Variants in GCKR observed in about 807,000 individuals in gnomAD.
GCKR encodes the protein glucokinase regulatory protein.
In GCKR, 73 loss-of-function variants were observed where a neutral mutation model predicts 82.9. That is an observed-to-expected ratio of 0.88 (90% CI 0.73 to 1.07). The LOEUF (loss-of-function observed/expected upper bound fraction) is 1.07, where lower values mean the gene tolerates loss of function less well. Ranked by LOEUF, GCKR falls within the 50% of genes least tolerant of loss-of-function variation. The pLI, the probability that GCKR is intolerant of heterozygous loss-of-function variation, is 0.00. For missense variants in GCKR, 784 were observed against 782.1 expected (o/e 1.00, Z -0.03); for synonymous variants, 294 against 291.8 (o/e 1.01, Z -0.08).
At chr2:27,508,947 A>G (rs987416518) in intron 16 of GCKR, among the ~76,000 whole-genome samples, 12 of 151,904 alleles carry the variant, frequency 7.9e-5, no homozygotes, top group African/African-American at 2.7e-4. Context: ...CTGCTTGCCA[A>G]TGAATTATAA....
intron 16 of GCKR, among the ~76,000 whole-genome samples, chr2:27,509,942 A>G (rs1448254660): frequency 1.3e-5 from 2 of 151,680 alleles, no homozygotes; most frequent in Non-Finnish European, 2.9e-5. Context: ...ATCATTTTCA[A>G]AAATTATTAT....
chr2:27,497,521 C>T (rs1419235924), intron 2 of GCKR, 41 bp from the exon 3 acceptor site: 1 of 1,573,290 alleles, frequency 6.4e-7, no homozygotes, highest in Non-Finnish European at 8.7e-7. Flanking sequence ...CATTCATCGT[C>T]CTCCTTTTCT....
At position 27,505,836 on chromosome 2, in the gene GCKR, G is replaced by A. The variant is rs566186473; in HGVS notation, c.869G>A (p.Arg290Lys). The change falls in exon 10 of 19, where the codon AGA becomes AAA. Residue 290 changes from arginine (R) to lysine (K), a missense_variant and splice_region_variant. Physicochemically the swap from Arg to Lys is conservative, Grantham distance 26. Transcript: ENST00000264717. The stretch of plus-strand genomic sequence containing the variant: ...GACCAGGGCATTGCAGCATCTCAAA[G>A]GTAGGGAGGATCTGGATAAGAGAGA... ...TVDQGIAASQ[R>K]CLLEILRTFE... is the part of the protein sequence containing the mutation. 22 of 1,462,810 alleles carry A rather than the reference G, an allele frequency of 1.5e-5. 1 individual carries two copies. In the South Asian group the frequency reaches 2.3e-4, roughly 15 times the overall value. 90.6% of individuals were successfully genotyped at this position (1,462,810 alleles called of 1,614,324 possible).
intron 10 of GCKR, among the ~76,000 whole-genome samples, 154 bp from the exon 11 acceptor site, chr2:27,506,327 G>A (rs1425217571): frequency 5.3e-5 from 8 of 152,106 alleles, no homozygotes; most frequent in Admixed American, 2.0e-4. Flanking sequence ...CTGCCCCTTC[G>A]GAACGCAGTC....
At chr2:27,504,982 C>T (rs1202294166) in intron 9 of GCKR, among the ~76,000 whole-genome samples, 17 of 151,620 alleles carry the variant, frequency 1.1e-4, no homozygotes, top group African/African-American at 2.2e-4. Flanking sequence ...AAAAATTAGC[C>T]GGGCGTGGTG....
intron 16 of GCKR, among the ~76,000 whole-genome samples, chr2:27,516,037 A>G (rs891758332): frequency 6.7e-6 from 1 of 148,504 alleles, no homozygotes; most frequent in Non-Finnish European, 1.5e-5. Flanking sequence ...CCAGCCTCCC[A>G]AAGAGCTGGG....
At chr2:27,497,190 G>A in intron 1 of GCKR, 54 bp from the exon 2 acceptor site, 1 of 1,604,804 alleles carries the variant, frequency 6.2e-7, no homozygotes, top group Non-Finnish European at 8.5e-7. Flanking sequence ...CAGCTCAGCA[G>A]GCATGAATGA....
intron 17 of GCKR, 64 bp from the exon 18 acceptor site, chr2:27,522,396 C>T: frequency 1.3e-6 from 2 of 1,564,972 alleles, no homozygotes; most frequent in Non-Finnish European, 1.8e-6. Context: ...ATTCTTCTCC[C>T]TTGACTCCAT....
At chr2:27,503,058 T>C (rs562217689) in intron 8 of GCKR, among the ~76,000 whole-genome samples, 1 of 152,378 alleles carries the variant, frequency 6.6e-6, no homozygotes, top group African/African-American at 2.4e-5. Context: ...TATCCCTCCC[T>C]CTGGTACTGA....
intron 17 of GCKR, 56 bp from the exon 18 acceptor site, chr2:27,522,404 C>T: frequency 6.3e-7 from 1 of 1,591,032 alleles, no homozygotes. Flanking sequence ...CCCTTGACTC[C>T]ATTCTTAGTT....
At chr2:27,502,541 G>T (rs573501498) in intron 8 of GCKR, among the ~76,000 whole-genome samples, 1 of 152,144 alleles carries the variant, frequency 6.6e-6, no homozygotes. Flanking sequence ...TGATTTGGAT[G>T]CCCAGCTGTG....
At chr2:27,523,194 C>G (rs969268185) in intron 18 of GCKR, 75 bp from the exon 19 acceptor site, 11 of 1,331,640 alleles carry the variant, frequency 8.3e-6, no homozygotes, top group Non-Finnish European at 9.6e-6. Flanking sequence ...CCACTGCGCC[C>G]GACCTTCCTC....
intron 17 of GCKR, 32 bp from the exon 18 acceptor site, chr2:27,522,428 G>T (rs776891865): frequency 3.1e-6 from 5 of 1,612,876 alleles, no homozygotes; most frequent in Non-Finnish European, 4.2e-6. Context: ...CTGGCCTTTA[G>T]CCTGACACTG....
intron 8 of GCKR, among the ~76,000 whole-genome samples, chr2:27,502,583 T>G (rs1669611968): frequency 6.6e-6 from 1 of 152,194 alleles, no homozygotes; most frequent in African/African-American, 2.4e-5. Flanking sequence ...CCATACGATA[T>G]GAACCCTCTC....
At chr2:27,516,282 TG>T (rs1180830698) in intron 16 of GCKR, among the ~76,000 whole-genome samples, 27 of 144,176 alleles carry the variant, frequency 1.9e-4, no homozygotes, top group African/African-American at 6.9e-4. Flanking sequence ...TCTTCATTCT[TG>T]TTTTTTTTTT....
chr2:27,497,152 ACT>A, intron 1 of GCKR, 90 bp from the exon 2 acceptor site: 1 of 1,484,598 alleles, frequency 6.7e-7, no homozygotes, highest in Non-Finnish European at 9.4e-7. Flanking sequence ...GTAAGTCCAA[ACT>A]CTGTGCCTGC....
intron 16 of GCKR, among the ~76,000 whole-genome samples, chr2:27,512,355 G>A (rs772984956): frequency 1.3e-5 from 2 of 151,098 alleles, no homozygotes; most frequent in African/African-American, 2.4e-5. Flanking sequence ...GGCCAACATG[G>A]TGAAACCCAT....
At chr2:27,506,931 A>G (rs751494529) in intron 12 of GCKR, 46 bp downstream of exon 12, 10 of 1,254,170 alleles carry the variant, frequency 8.0e-6, no homozygotes, top group South Asian at 1.2e-5. Flanking sequence ...CCTGATCCCA[A>G]CCATTCGGGC....
intron 10 of GCKR, 143 bp from the exon 11 acceptor site, chr2:27,506,338 T>A: frequency 1.4e-6 from 1 of 723,740 alleles, no homozygotes; most frequent in South Asian, 1.5e-5. Context: ...GAACGCAGTC[T>A]GGGCCTACTC....
Sources: allele counts gnomAD v4.1 joint callset (sites outside exome capture counted in the v4.1 genomes callset), GRCh38; gene constraint gnomAD v4.1.1; transcripts MANE v1.5; gene names NCBI Gene and HGNC (gene_info 2026-07-23, HGNC 2026-07-21).